Variants in DAP observed in about 807,000 individuals in gnomAD.
DAP encodes the protein death-associated protein 1.
Under a neutral mutation model 13.8 loss-of-function variants are expected in DAP, and 8 were observed. The observed-to-expected ratio is 0.58, with a 90% CI of 0.34 to 1.05. DAP has a LOEUF of 1.05. Among genes scored for constraint, DAP ranks in the 50% least tolerant of loss-of-function variants. DAP has a pLI of 0.03. For synonymous variants in DAP, 47 were observed against 47.5 expected (o/e 0.99, Z 0.04); for missense variants, 106 against 133.2 (o/e 0.80, Z 1.01).
At chr5:10,703,385 G>A (rs992452761) in intron 2 of DAP, among the ~76,000 whole-genome samples, 1 of 152,184 alleles carries the variant, frequency 6.6e-6, no homozygotes, top group African/African-American at 2.4e-5. Flanking sequence ...CTACAGAGTA[G>A]TTGCAGCCCT....
chr5:10,689,378 C>T (rs951816542), intron 2 of DAP, among the ~76,000 whole-genome samples: 4 of 152,174 alleles, frequency 2.6e-5, no homozygotes, highest in Non-Finnish European at 5.9e-5. Flanking sequence ...ACCCTCCCCC[C>T]ACAGGCCCAG....
intron 1 of DAP, 31 bp from the exon 2 acceptor site, chr5:10,748,302 T>C: frequency 6.3e-7 from 1 of 1,588,364 alleles, no homozygotes; most frequent in Non-Finnish European, 8.6e-7. Context: ...GTGGGATTAA[T>C]GTGGAAATGG....
chr5:10,720,982 A>G (rs941941276), intron 2 of DAP, among the ~76,000 whole-genome samples: 32 of 152,374 alleles, frequency 2.1e-4, no homozygotes, highest in Middle Eastern at 3.4e-3. Context: ...CTTTATGACT[A>G]AAGAAGTCTG....
At chr5:10,685,797 TAG>T (rs1283347829) in intron 2 of DAP, among the ~76,000 whole-genome samples, 1 of 152,178 alleles carries the variant, frequency 6.6e-6, no homozygotes, top group Admixed American at 6.5e-5. Context: ...ATGTCATCCA[TAG>T]AGAGTCAATC....
chr5:10,732,272 C>G (rs1365068617), intron 2 of DAP, among the ~76,000 whole-genome samples: 3 of 152,296 alleles, frequency 2.0e-5, no homozygotes, highest in Middle Eastern at 3.4e-3. Context: ...TGTTATGCAA[C>G]CCACCACCAC....
chr5:10,705,837 G>A (rs529664449), intron 2 of DAP, among the ~76,000 whole-genome samples: 2 of 152,290 alleles, frequency 1.3e-5, no homozygotes, highest in African/African-American at 4.8e-5. Flanking sequence ...CCTTGGTTAG[G>A]TGGGTATGCT....
intron 2 of DAP, among the ~76,000 whole-genome samples, chr5:10,731,240 TC>T (rs1739451427): frequency 7.3e-6 from 1 of 136,550 alleles, no homozygotes; most frequent in South Asian, 2.7e-4. Context: ...TGGGGGGGAA[TC>T]TTTCTGTACT....
rs151151585 is a variant in DAP at position 10,710,878 on chromosome 5, T to C, written c.153-27307A>G. Among the ~76,000 whole-genome samples the C allele has an allele frequency of 2.8e-3, 424 of 152,286 alleles. 1 individual carries two copies. The highest frequency in any genetic ancestry group is 9.4e-3 in the African/African-American group (392 of 41,540). Reference sequence around the variant, plus strand: ...CAGGCATCTGCATCAAGCTGCCCAGTTAGCAATACCAAGCTGAGCCAGGGG... The same window carrying C: ...CAGGCATCTGCATCAAGCTGCCCAGCTAGCAATACCAAGCTGAGCCAGGGG... On this transcript the variant is annotated intron_variant, in intron 2 of 3. Coordinates refer to ENST00000230895, the MANE Select transcript of DAP (RefSeq NM_004394.3).
intron 2 of DAP, among the ~76,000 whole-genome samples, chr5:10,710,468 T>A (rs932116215): frequency 6.6e-6 from 1 of 151,984 alleles, no homozygotes; most frequent in African/African-American, 2.4e-5. Context: ...GACAGAACCA[T>A]GAGGGGGCCA....
chr5:10,733,377 T>C (rs555024016), intron 2 of DAP, among the ~76,000 whole-genome samples: 3 of 152,318 alleles, frequency 2.0e-5, no homozygotes, highest in African/African-American at 7.2e-5. Context: ...CGAGGGCTAA[T>C]TTTTAACACA....
rs957528497 is a variant in DAP at position 10,707,665 on chromosome 5, G to A, written c.153-24094C>T. ...GTGATGCACGGGTGGTGTGATTTGC[G>A]ATCAGTGTGGTGCACAGGCGGCGTG... On this transcript the variant is annotated intron_variant, in intron 2 of 3. Coordinates refer to ENST00000230895, the MANE Select transcript of DAP (RefSeq NM_004394.3). This position sits in a 1 kb window ranked among gnomAD's most constrained non-coding sequence, Gnocchi z 4.0. 1.3e-5 allele frequency among the ~76,000 whole-genome samples: 2 copies of A among 151,838 alleles called. No homozygotes were observed. The highest frequency in any genetic ancestry group is 4.8e-5 in the African/African-American group (2 of 41,296).
intron 1 of DAP, among the ~76,000 whole-genome samples, chr5:10,754,864 C>T (rs1245758383): frequency 1.3e-5 from 2 of 152,128 alleles, no homozygotes; most frequent in Admixed American, 6.6e-5. Flanking sequence ...GGGTCCTGCC[C>T]AATAGTATGG....
At chr5:10,713,834 TA>T (rs1453989151) in intron 2 of DAP, among the ~76,000 whole-genome samples, 2 of 152,350 alleles carry the variant, frequency 1.3e-5, no homozygotes, top group African/African-American at 4.8e-5. Flanking sequence ...TAATGGACGG[TA>T]AACAGAAGAA....
chr5:10,708,622 A>C (rs1738764649), intron 2 of DAP, among the ~76,000 whole-genome samples: 1 of 152,158 alleles, frequency 6.6e-6, no homozygotes, highest in African/African-American at 2.4e-5. Context: ...TGTGAAAAGC[A>C]CAGCGACTCT....
At chr5:10,687,046 CTCTG>C (rs576845229) in intron 2 of DAP, among the ~76,000 whole-genome samples, 20 of 152,296 alleles carry the variant, frequency 1.3e-4, no homozygotes, top group South Asian at 8.3e-4. Context: ...ATAAAATCTA[CTCTG>C]TCTGTGCTCT....
chr5:10,744,261 C>A (rs980486698), intron 2 of DAP, among the ~76,000 whole-genome samples: 7 of 152,166 alleles, frequency 4.6e-5, no homozygotes, highest in African/African-American at 1.4e-4. Context: ...ATTTTCATAT[C>A]TGAACAACAC....
At chr5:10,683,441 G>T in intron 3 of DAP, 88 bp downstream of exon 3, 7 of 1,239,028 alleles carry the variant, frequency 5.6e-6, no homozygotes, top group Non-Finnish European at 8.3e-6. Flanking sequence ...GTTATTCCAG[G>T]TAGAGTTTAA....
At chr5:10,694,000 C>G (rs1376404621) in intron 2 of DAP, among the ~76,000 whole-genome samples, 1 of 152,120 alleles carries the variant, frequency 6.6e-6, no homozygotes, top group Non-Finnish European at 1.5e-5. Context: ...CTCAGAGAGG[C>G]TGGAACCTTG....
At chr5:10,744,045 T>C (rs1739837238) in intron 2 of DAP, among the ~76,000 whole-genome samples, 1 of 152,244 alleles carries the variant, frequency 6.6e-6, no homozygotes, top group South Asian at 2.1e-4. Flanking sequence ...GCTTTTTTTT[T>C]CCTGTCAACA....
Sources: allele counts gnomAD v4.1 joint callset (sites outside exome capture counted in the v4.1 genomes callset), GRCh38; gene constraint gnomAD v4.1.1; non-coding constraint Gnocchi (gnomAD v3.1); transcripts MANE v1.5; gene names NCBI Gene and HGNC (gene_info 2026-07-23, HGNC 2026-07-21).